The following LDLRAD4 variants were observed in gnomAD, a reference collection of about 807,000 sequenced individuals.
LDLRAD4 encodes the protein low density lipoprotein receptor class A domain containing 4, also known as low-density lipoprotein receptor class A domain-containing protein 4.
A neutral mutation model predicts 17.0 loss-of-function variants in LDLRAD4; 5 were observed. The ratio of observed to expected loss-of-function variants is 0.29; its 90% CI spans 0.15 to 0.62. LDLRAD4 has a LOEUF of 0.62. LDLRAD4 is among the 20% of genes least tolerant of loss of function. The pLI is 0.84. For synonymous variants in LDLRAD4, 168 were observed against 171.8 expected (o/e 0.98, Z 0.17); for missense variants, 340 against 424.7 (o/e 0.80, Z 1.75).
intron 3 of LDLRAD4, chr18:13,521,884 G>C (rs1054438647): frequency 6.7e-6 from 1 of 149,964 alleles, no homozygotes; most frequent in African/African-American, 2.5e-5. Flanking sequence ...TCTAAGGCTG[G>C]TGAGTAATCA....
chr18:13,440,975 T>C lies in LDLRAD4; in HGVS notation c.181+2591T>C, dbSNP rs944305873. Reference sequence around the variant, plus strand: ...CCCCCTACGTTCCCCTCAGGTTCTCTGCAGGAGCCCGAGGGAGCTGGGCGA... The same window carrying C: ...CCCCCTACGTTCCCCTCAGGTTCTCCGCAGGAGCCCGAGGGAGCTGGGCGA... On this transcript the variant is annotated intron_variant, in intron 3 of 5. Transcript: ENST00000359446. The surrounding 1 kb of genome is among the most constrained non-coding windows in gnomAD (Gnocchi z 4.4). 4.6e-5 allele frequency among the ~76,000 whole-genome samples: 7 copies of C among 152,144 alleles called. No individual in the cohort carries two copies. The highest frequency in any genetic ancestry group is 1.7e-4 in the African/African-American group (7 of 41,448).
rs1159677729 is a variant in LDLRAD4, at chr18:13,622,284, C to A, written c.336+1013C>A. 6.6e-6 allele frequency among the ~76,000 whole-genome samples: 1 copy of A among 152,158 alleles called. No homozygotes were observed. Among genetic ancestry groups the A allele is most frequent in the Non-Finnish European group, 1.5e-5 (1 of 68,024 alleles). On this transcript the variant is annotated intron_variant, in intron 4 of 5. Coordinates refer to ENST00000359446, the Ensembl canonical transcript of LDLRAD4. The surrounding 1 kb of genome is among the most constrained non-coding windows in gnomAD (Gnocchi z 5.3). ...CACTTCACTAGGATCATTGGTGCAGCCATCCATATGGGCAGAGCTGAGGTT... is the reference window on the plus strand; with the variant it reads ...CACTTCACTAGGATCATTGGTGCAGACATCCATATGGGCAGAGCTGAGGTT...
chr18:13,373,556 C>T (rs182843024), intron 1 of LDLRAD4, among the ~76,000 whole-genome samples: 17 of 152,210 alleles, frequency 1.1e-4, no homozygotes, highest in Admixed American at 7.8e-4. Flanking sequence ...TACTATAATT[C>T]AATGATTGAT....
At chr18:13,267,306 G>C (rs117864791) in intron 1 of LDLRAD4, among the ~76,000 whole-genome samples, 1 of 152,176 alleles carries the variant, frequency 6.6e-6, no homozygotes, top group Admixed American at 6.5e-5. Flanking sequence ...TCAGTTTCAC[G>C]CGTGTGTGTG....
At chr18:13,551,627 G>C (rs1431920296) in intron 3 of LDLRAD4, among the ~76,000 whole-genome samples, 1 of 152,022 alleles carries the variant, frequency 6.6e-6, no homozygotes, top group African/African-American at 2.4e-5. Context: ...TGCCATGGTG[G>C]GGTAGGAGGG....
At chr18:13,611,633 C>G in intron 3 of LDLRAD4, 1 of 985,368 alleles carries the variant, frequency 1.0e-6, no homozygotes, top group Non-Finnish European at 1.2e-6. Context: ...ATTCTGTTCT[C>G]TAATTTCTGA....
At chr18:13,586,095 G>GA (rs1192975411) in intron 3 of LDLRAD4, among the ~76,000 whole-genome samples, 1 of 152,000 alleles carries the variant, frequency 6.6e-6, no homozygotes, top group Admixed American at 6.6e-5. Context: ...CCTAGATGTT[G>GA]AAAAAATACC....
intron 3 of LDLRAD4, among the ~76,000 whole-genome samples, chr18:13,598,556 A>C (rs2095121970): frequency 6.6e-6 from 1 of 152,210 alleles, no homozygotes; most frequent in African/African-American, 2.4e-5. Flanking sequence ...GGTTCTTCTT[A>C]ACTGTCTCTT....
chr18:13,336,779 C>T (rs2082122138), intron 1 of LDLRAD4, among the ~76,000 whole-genome samples: 1 of 151,948 alleles, frequency 6.6e-6, no homozygotes, highest in Non-Finnish European at 1.5e-5. Context: ...GTGCATCCCT[C>T]CCTCTCTTCT....
At chr18:13,589,256 T>C (rs1348680294) in intron 3 of LDLRAD4, among the ~76,000 whole-genome samples, 1 of 152,058 alleles carries the variant, frequency 6.6e-6, no homozygotes, top group Non-Finnish European at 1.5e-5. Context: ...TCTTCTGTGG[T>C]TGGTTTCTGT....
chr18:13,482,582 T>A (rs777040917), intron 3 of LDLRAD4, among the ~76,000 whole-genome samples: 18 of 152,206 alleles, frequency 1.2e-4, no homozygotes, highest in Non-Finnish European at 2.1e-4. Context: ...ACAGCATGCC[T>A]GAGAGGGCCG....
Position 13,645,599 on chromosome 18 carries a change from CAG to C in LDLRAD4, c.868_869del (p.Ser290HisfsTer10), listed in dbSNP as rs1420593303. On this transcript the variant is annotated frameshift_variant, in exon 6 of 6. Transcript: ENST00000359446. LOFTEE classifies it high-confidence loss of function. The surrounding 1 kb of genome is among the most constrained non-coding windows in gnomAD (Gnocchi z 5.7). ...AGACTGCAGTTTCAGCAGAACAATG[CAG>C]AGAGCACAATAGTACCCATCAAAGG... The C allele has an allele frequency of 6.3e-7, 1 of 1,580,322 alleles. No homozygotes were observed. The highest frequency in any genetic ancestry group is 1.8e-5 in the Admixed American group (1 of 55,416).
intron 3 of LDLRAD4, among the ~76,000 whole-genome samples, chr18:13,550,886 C>T (rs1375171785): frequency 6.6e-6 from 1 of 152,084 alleles, no homozygotes; most frequent in African/African-American, 2.4e-5. Flanking sequence ...TCTTTGCCTC[C>T]CTTGGGCCCC....
intron 1 of LDLRAD4, among the ~76,000 whole-genome samples, chr18:13,325,575 C>A (rs1475532747): frequency 6.6e-6 from 1 of 152,114 alleles, no homozygotes; most frequent in Non-Finnish European, 1.5e-5. Flanking sequence ...CTGTGGACTC[C>A]TCAGCTGCTC....
At chr18:13,497,422 T>C (rs35860883) in intron 3 of LDLRAD4, among the ~76,000 whole-genome samples, 10,333 of 151,906 alleles carry the variant, frequency 0.068, 536 homozygotes, top group African/African-American at 0.14. Flanking sequence ...CAAGTGATCC[T>C]CCTGCCTCGG....
chr18:13,461,126 C>G (rs2092408139), intron 3 of LDLRAD4: 1 of 152,510 alleles, frequency 6.6e-6, no homozygotes, highest in East Asian at 1.9e-4. Context: ...GCGGGCTGGC[C>G]TTGTCTCCCC....
At position 13,618,466 on chromosome 18, in the gene LDLRAD4, G is replaced by A. The variant is rs565950932; in HGVS notation, c.182-2651G>A. On this transcript the variant is annotated intron_variant, in intron 3 of 5. Coordinates refer to ENST00000359446, the Ensembl canonical transcript of LDLRAD4. The stretch of plus-strand genomic sequence containing the variant: ...CACAAATATGTAAAAAATGCCCAGA[G>A]ACTTGTGAAAACATAATTTGATTTG... Among the ~76,000 whole-genome samples the A allele has an allele frequency of 1.1e-4, 16 of 152,320 alleles. 1 individual carries two copies. Among genetic ancestry groups the A allele is most frequent in the African/African-American group, 3.4e-4 (14 of 41,564 alleles).
chr18:13,640,113 C>T (rs912389185), intron 4 of LDLRAD4, among the ~76,000 whole-genome samples: 1 of 149,238 alleles, frequency 6.7e-6, no homozygotes, highest in Non-Finnish European at 1.5e-5. Flanking sequence ...GGTGAAACCG[C>T]GTCTCTACTA....
intron 1 of LDLRAD4, among the ~76,000 whole-genome samples, chr18:13,350,002 A>G (rs1417809064): frequency 6.6e-6 from 1 of 152,132 alleles, no homozygotes; most frequent in African/African-American, 2.4e-5. Flanking sequence ...CATGGTGTAT[A>G]TGTACCACAT....
Sources: allele counts gnomAD v4.1 joint callset (sites outside exome capture counted in the v4.1 genomes callset), GRCh38; gene constraint gnomAD v4.1.1; non-coding constraint Gnocchi (gnomAD v3.1); transcripts MANE v1.5; gene names NCBI Gene and HGNC (gene_info 2026-07-23, HGNC 2026-07-21).